ANO3: variants seen among roughly 807,000 people sequenced by gnomAD.
ANO3 encodes the protein anoctamin 3, also known as anoctamin-3.
Under a neutral mutation model 144.8 loss-of-function variants are expected in ANO3, and 99 were observed. The ratio of observed to expected loss-of-function variants is 0.68; its 90% CI spans 0.58 to 0.81. The LOEUF (loss-of-function observed/expected upper bound fraction) is 0.81. ANO3 is among the 30% of genes least tolerant of loss of function. ANO3 has a pLI of 0.00. For missense variants in ANO3, 905 were observed against 1,202.2 expected (o/e 0.75, Z 3.66); for synonymous variants, 414 against 392.6 (o/e 1.05, Z -0.64).
intron 12 of ANO3, among the ~76,000 whole-genome samples, chr11:26,548,950 G>A (rs1488897776): frequency 4.9e-5 from 1 of 20,326 alleles, no homozygotes; most frequent in Admixed American, 7.6e-4. Context: ...ACAATGAATT[G>A]GAAAAAAAAA....
At chr11:26,271,548 C>A (rs974637932) in intron 1 of ANO3, among the ~76,000 whole-genome samples, 1 of 152,080 alleles carries the variant, frequency 6.6e-6, no homozygotes, top group African/African-American at 2.4e-5. Flanking sequence ...GTATTTATTT[C>A]TTTTATTTAA....
chr11:26,325,744 T>G (rs548171182), intron 1 of ANO3, among the ~76,000 whole-genome samples: 2 of 152,292 alleles, frequency 1.3e-5, no homozygotes, highest in South Asian at 2.1e-4. Flanking sequence ...CTATTTTCAC[T>G]ATTTTCCTTT....
At chr11:26,503,732 T>G (rs1231265237) in intron 4 of ANO3, among the ~76,000 whole-genome samples, 2 of 152,126 alleles carry the variant, frequency 1.3e-5, no homozygotes, top group Non-Finnish European at 1.5e-5. Context: ...CTTCTTTTTA[T>G]AAAGATGTGG....
chr11:26,488,100 A>C (rs1860537754), intron 4 of ANO3, among the ~76,000 whole-genome samples: 1 of 152,142 alleles, frequency 6.6e-6, no homozygotes. Context: ...CAGGAGGTGG[A>C]GGTTGCAGTG....
chr11:26,380,408 G>A (rs1480363846), intron 1 of ANO3, among the ~76,000 whole-genome samples: 1 of 152,038 alleles, frequency 6.6e-6, no homozygotes, highest in African/African-American at 2.4e-5. Context: ...AATACCTTTG[G>A]GTAATTTATA....
chr11:26,461,148 A>G (rs1859381040), intron 3 of ANO3, among the ~76,000 whole-genome samples: 2 of 152,104 alleles, frequency 1.3e-5, no homozygotes, highest in Non-Finnish European at 2.9e-5. Context: ...ACCGGGGGAA[A>G]GGAAGGAAAG....
intron 1 of ANO3, among the ~76,000 whole-genome samples, chr11:26,216,981 T>C (rs1852046805): frequency 6.6e-6 from 1 of 152,056 alleles, no homozygotes; most frequent in East Asian, 1.9e-4. Context: ...TGTCAGATAT[T>C]GTTCTGTAAA....
chr11:26,462,976 G>T, intron 3 of ANO3, 54 bp from the exon 4 acceptor site: 1 of 941,926 alleles, frequency 1.1e-6, no homozygotes, highest in Non-Finnish European at 1.6e-6. Context: ...TATGTTTAAT[G>T]AAAAAAGAGA....
chr11:26,214,285 G>T (rs1851994092), intron 1 of ANO3, among the ~76,000 whole-genome samples: 1 of 151,858 alleles, frequency 6.6e-6, no homozygotes, highest in South Asian at 2.1e-4. Flanking sequence ...ACTTTTGGGA[G>T]TTAAGACTTG....
chr11:26,463,124 T>C lies in ANO3; in HGVS notation c.408T>C (p.Ser136=), dbSNP rs1019004457. Residue 136 remains serine (S), a synonymous_variant, in exon 4 of 27, where the codon TCT becomes TCC. Coordinates refer to ENST00000256737, the MANE Select transcript of ANO3 (RefSeq NM_031418.4). ...ATGACTTTGTTATCAAAGATAAATC[T>C]GAATTCAAGACAAAATTATCTAAGG... ...LINDFVIKDK[S]EFKTKLSKND... is the part of the protein sequence containing the mutation. The C allele has an allele frequency of 1.3e-6, 2 of 1,581,372 alleles. No individual in the cohort carries two copies. The highest frequency in any genetic ancestry group is 1.7e-6 in the Non-Finnish European group (2 of 1,160,436).
chr11:26,325,789 G>A (rs552431792), intron 1 of ANO3, among the ~76,000 whole-genome samples: 15 of 152,252 alleles, frequency 9.9e-5, no homozygotes, highest in African/African-American at 3.4e-4. Context: ...GGTCAAACCA[G>A]CCATAAAGAT....
At position 26,258,401 on chromosome 11, in the gene ANO3, T is replaced by C. The variant is rs1853107973; in HGVS notation, c.155-51244T>C. 2.0e-5 allele frequency among the ~76,000 whole-genome samples: 3 copies of C among 152,188 alleles called. No homozygotes were observed. In the South Asian group the frequency reaches 6.2e-4, roughly 32 times the overall value. ...TGAAATGTCTACTCTCTGCTCAACA[T>C]TGTGCTAAGTATCACTGTGAAGCTA... On this transcript the variant is annotated intron_variant, in intron 1 of 27. Transcript: ENST00000672621.
At chr11:26,236,817 C>CAAAAAAAAAAAAAAA (rs55979503) in intron 1 of ANO3, among the ~76,000 whole-genome samples, 1 of 86,754 alleles carries the variant, frequency 1.2e-5, no homozygotes, top group African/African-American at 4.8e-5. Flanking sequence ...GACTCCGTCT[C>CAAAAAAAAAAAAAAA]AAAAAAAAAA....
chr11:26,447,893 T>C (rs1858760612), intron 3 of ANO3, among the ~76,000 whole-genome samples: 1 of 152,188 alleles, frequency 6.6e-6, no homozygotes, highest in Non-Finnish European at 1.5e-5. Flanking sequence ...CCTACGTTTT[T>C]TTCTTCTCAG....
chr11:26,511,387 C>T (rs1400380258), intron 5 of ANO3, among the ~76,000 whole-genome samples: 2 of 152,076 alleles, frequency 1.3e-5, no homozygotes, highest in Non-Finnish European at 2.9e-5. Flanking sequence ...CCTATGCAAG[C>T]AAGGGAAGGT....
At chr11:26,477,244 G>A (rs904094831) in intron 4 of ANO3, among the ~76,000 whole-genome samples, 51 of 152,050 alleles carry the variant, frequency 3.4e-4, no homozygotes, top group African/African-American at 1.2e-3. Context: ...AGCTTCAGAA[G>A]AATGGTCCTC....
intron 2 of ANO3, among the ~76,000 whole-genome samples, chr11:26,442,720 A>G (rs1372645252): frequency 6.6e-6 from 1 of 152,178 alleles, no homozygotes; most frequent in Non-Finnish European, 1.5e-5. Context: ...AGAGTTAAGA[A>G]TTTAAATACA....
intron 1 of ANO3, among the ~76,000 whole-genome samples, chr11:26,350,233 C>T (rs1295078331): frequency 1.3e-5 from 2 of 152,090 alleles, no homozygotes; most frequent in Non-Finnish European, 2.9e-5. Context: ...CTTTGGGAGG[C>T]ATGAGTGAAA....
chr11:26,357,839 G>A (rs549307612), intron 1 of ANO3, among the ~76,000 whole-genome samples: 1 of 152,120 alleles, frequency 6.6e-6, no homozygotes, highest in East Asian at 1.9e-4. Flanking sequence ...ATTCATAACT[G>A]TTATTCATTT....
Sources: gnomAD v4.1 joint callset for allele counts (sites outside exome capture counted in the v4.1 genomes callset) on GRCh38, gnomAD v4.1.1 for gene constraint, MANE v1.5 for transcripts, NCBI Gene and HGNC (gene_info 2026-07-23, HGNC 2026-07-21) for gene names.